Variants in ARK2C observed in about 807,000 individuals in gnomAD.
ARK2C encodes E3 ubiquitin-protein ligase ARK2C.
chr18:46,353,769 C>G, the ARK2C span, among the ~76,000 whole-genome samples: 1 of 152,128 alleles, frequency 6.6e-6, no homozygotes, highest in Non-Finnish European at 1.5e-5. Flanking sequence ...GGAAAGGAAA[C>G]GGGCCCTCCA....
At chr18:46,407,508 A>T in the ARK2C span, among the ~76,000 whole-genome samples, 1 of 152,136 alleles carries the variant, frequency 6.6e-6, no homozygotes, top group Non-Finnish European at 1.5e-5. Context: ...TAGCCTGTTG[A>T]CGTTCTTCCT....
At chr18:46,355,683 C>T in the ARK2C span, among the ~76,000 whole-genome samples, 4 of 152,294 alleles carry the variant, frequency 2.6e-5, no homozygotes, top group African/African-American at 4.8e-5. Context: ...GTGCCCCTGG[C>T]TGCCCCTGAA....
At chr18:46,444,505 C>T in the ARK2C span, among the ~76,000 whole-genome samples, 1 of 152,036 alleles carries the variant, frequency 6.6e-6, no homozygotes, top group Non-Finnish European at 1.5e-5. Context: ...CATTCTGTCA[C>T]CTAGGCAGAA....
chr18:46,424,476 T>C, the ARK2C span, among the ~76,000 whole-genome samples: 4 of 152,216 alleles, frequency 2.6e-5, no homozygotes, highest in Non-Finnish European at 4.4e-5. Flanking sequence ...TGTTTCTCCC[T>C]GGTTCCAGCC....
chr18:46,392,023 C>T, the ARK2C span, among the ~76,000 whole-genome samples: 1 of 151,380 alleles, frequency 6.6e-6, no homozygotes, highest in Non-Finnish European at 1.5e-5. Context: ...ACACACACAC[C>T]TTACACACCA....
the ARK2C span, among the ~76,000 whole-genome samples, chr18:46,421,217 T>G: frequency 6.6e-6 from 1 of 152,244 alleles, no homozygotes; most frequent in African/African-American, 2.4e-5. Context: ...AAGCTAGTCT[T>G]TCTACCTTGC....
chr18:46,347,584 G>C, the ARK2C span, among the ~76,000 whole-genome samples: 1 of 152,234 alleles, frequency 6.6e-6, no homozygotes, highest in East Asian at 1.9e-4. Flanking sequence ...TACCTGCCAG[G>C]TGAGTTTAAT....
the ARK2C span, chr18:46,337,142 C>A: frequency 8.1e-6 from 8 of 985,304 alleles, no homozygotes; most frequent in South Asian, 2.4e-4. Context: ...GAATAAGGCC[C>A]CTACTTTGAG....
the ARK2C span, among the ~76,000 whole-genome samples, chr18:46,422,302 T>G: frequency 6.6e-5 from 10 of 152,224 alleles, no homozygotes; most frequent in Non-Finnish European, 5.9e-5. Flanking sequence ...CCAAGCACCC[T>G]GCCTCTGAAT....
At chr18:46,459,375 C>G in the ARK2C span, 1 of 152,278 alleles carries the variant, frequency 6.6e-6, no homozygotes, top group Admixed American at 6.5e-5. Context: ...CTAACATCAA[C>G]ACATCTTCAA....
chr18:46,385,027 A>G, the ARK2C span, among the ~76,000 whole-genome samples: 2 of 152,094 alleles, frequency 1.3e-5, no homozygotes, highest in African/African-American at 2.4e-5. Context: ...CCCCTCAAAG[A>G]TTTCCAGAGT....
At chr18:46,354,282 G>T in the ARK2C span, among the ~76,000 whole-genome samples, 1 of 152,200 alleles carries the variant, frequency 6.6e-6, no homozygotes. Context: ...CAGGGATTGG[G>T]GGTCTGGGCT....
At chr18:46,363,593 T>G in the ARK2C span, among the ~76,000 whole-genome samples, 2 of 152,116 alleles carry the variant, frequency 1.3e-5, no homozygotes, top group Non-Finnish European at 2.9e-5. Flanking sequence ...GTCCACTCAG[T>G]GTACAGCCCC....
chr18:46,344,683 C>T, the ARK2C span, among the ~76,000 whole-genome samples: 5 of 152,326 alleles, frequency 3.3e-5, no homozygotes, highest in East Asian at 9.7e-4. Context: ...CCATACCTGC[C>T]CCCTCTGCCT....
the ARK2C span, among the ~76,000 whole-genome samples, chr18:46,351,625 CT>C: frequency 1.3e-5 from 2 of 152,106 alleles, no homozygotes; most frequent in African/African-American, 4.8e-5. Context: ...ACATCAGGGG[CT>C]TTATAGGCAT....
At chr18:46,420,642 C>T in the ARK2C span, among the ~76,000 whole-genome samples, 1 of 151,796 alleles carries the variant, frequency 6.6e-6, no homozygotes, top group Non-Finnish European at 1.5e-5. Context: ...TTCAGGAGTT[C>T]GAGACCAGCC....
the ARK2C span, chr18:46,455,883 C>A: frequency 1.4e-6 from 1 of 719,802 alleles, no homozygotes; most frequent in Non-Finnish European, 2.4e-6. Context: ...AAACCTGACT[C>A]CCAGGGGAAG....
chr18:46,433,856 T>C, the ARK2C span, among the ~76,000 whole-genome samples: 1 of 152,168 alleles, frequency 6.6e-6, no homozygotes, highest in Non-Finnish European at 1.5e-5. Flanking sequence ...GACTCCTGCA[T>C]GGTGCGGGAG....
At chr18:46,359,530 G>T in the ARK2C span, among the ~76,000 whole-genome samples, 2 of 152,312 alleles carry the variant, frequency 1.3e-5, no homozygotes, top group South Asian at 4.2e-4. Flanking sequence ...AAGCTGACTG[G>T]TGGGGCTGGA....
Sources: gnomAD v4.1 joint callset for allele counts (sites outside exome capture counted in the v4.1 genomes callset) on GRCh38, gnomAD v4.1.1 for gene constraint, MANE v1.5 for transcripts, NCBI Gene and HGNC (gene_info 2026-07-23, HGNC 2026-07-21) for gene names.